The following SCAF4 variants were observed in gnomAD, a reference collection of about 807,000 sequenced individuals.
The protein encoded by SCAF4 is SR-related CTD associated factor 4, also known as SR-related and CTD-associated factor 4.
In SCAF4, 25 loss-of-function variants were observed where a neutral mutation model predicts 129.8. The observed-to-expected ratio is 0.19, with a 90% CI of 0.14 to 0.27. The LOEUF is 0.27. SCAF4 is among the 10% of genes least tolerant of loss of function. The pLI, the probability that SCAF4 is intolerant of heterozygous loss-of-function variation, is 1.00. For missense variants in SCAF4, 1,246 were observed against 1,457.1 expected (o/e 0.86, Z 2.36); for synonymous variants, 551 against 497.7 (o/e 1.11, Z -1.43).
chr21:31,718,173 T>TG (rs1249152147), intron 1 of SCAF4, among the ~76,000 whole-genome samples: 17 of 152,180 alleles, frequency 1.1e-4, no homozygotes, highest in African/African-American at 3.6e-4. Context: ...CTTGAACTCC[T>TG]GACCTCAGTT....
At chr21:31,677,766 G>A (rs1456031532) in intron 19 of SCAF4, among the ~76,000 whole-genome samples, 3 of 152,148 alleles carry the variant, frequency 2.0e-5, no homozygotes, top group Non-Finnish European at 2.9e-5. Context: ...TATAGATAGT[G>A]GTCAAAAGCA....
intron 19 of SCAF4, 68 bp from the exon 20 acceptor site, chr21:31,672,422 G>A: frequency 8.1e-7 from 1 of 1,233,950 alleles, no homozygotes; most frequent in Non-Finnish European, 1.2e-6. Flanking sequence ...GCTGTGTTCT[G>A]TGGCGCTTAA....
At chr21:31,696,999 T>C (rs1044412727) in intron 7 of SCAF4, among the ~76,000 whole-genome samples, 1 of 152,202 alleles carries the variant, frequency 6.6e-6, no homozygotes, top group Non-Finnish European at 1.5e-5. Flanking sequence ...GTGCTTTCTA[T>C]TTTCTATTGG....
intron 13 of SCAF4, 137 bp downstream of exon 13, chr21:31,692,212 G>A (rs893472757): frequency 1.3e-5 from 8 of 629,068 alleles, no homozygotes; most frequent in African/African-American, 7.3e-5. Context: ...AATTCTAAAC[G>A]TGGACTCTGA....
chr21:31,679,728 T>C (rs1485871814), intron 19 of SCAF4, among the ~76,000 whole-genome samples: 1 of 152,218 alleles, frequency 6.6e-6, no homozygotes, highest in Non-Finnish European at 1.5e-5. Context: ...TTTGATAACA[T>C]CTAATACATG....
intron 1 of SCAF4, among the ~76,000 whole-genome samples, chr21:31,722,492 G>T (rs146222576): frequency 1.3e-3 from 201 of 152,190 alleles, no homozygotes; most frequent in African/African-American, 4.7e-3. Flanking sequence ...TAAAAGTGAA[G>T]ACCTGTGAAC....
intron 1 of SCAF4, among the ~76,000 whole-genome samples, chr21:31,728,422 C>T (rs2051262347): frequency 6.6e-6 from 1 of 152,128 alleles, no homozygotes; most frequent in Non-Finnish European, 1.5e-5. Context: ...AACCTCAAAT[C>T]CTGTTATCCT....
chr21:31,686,692 C>T (rs926832402), intron 16 of SCAF4, among the ~76,000 whole-genome samples: 5 of 152,104 alleles, frequency 3.3e-5, no homozygotes, highest in Non-Finnish European at 7.4e-5. Context: ...AGTGGGCAAG[C>T]AAGCACCACC....
rs1321254508 is a variant in SCAF4, at chr21:31,692,339, A to G, written c.1614+10T>C. ...GTCCATCGTACTTAAAAAACTGAAT[A>G]AACACTCACATTAATTGATTCAATT... is the stretch of plus-strand genomic sequence containing the variant. On this transcript the variant is annotated intron_variant, in intron 13 of 19. Transcript: ENST00000286835. 1.3e-6 allele frequency: 2 copies of G among 1,591,440 alleles called. No individual in the cohort carries two copies. Among genetic ancestry groups the G allele is most frequent in the South Asian group, 1.1e-5 (1 of 90,616 alleles).
chr21:31,709,529 G>T (rs1375754025), intron 1 of SCAF4, among the ~76,000 whole-genome samples: 1 of 152,014 alleles, frequency 6.6e-6, no homozygotes, highest in Non-Finnish European at 1.5e-5. Context: ...TAAATTAACA[G>T]CCAAATGAAC....
At chr21:31,705,561 CT>C in intron 2 of SCAF4, 94 bp from the exon 3 acceptor site, 1 of 479,132 alleles carries the variant, frequency 2.1e-6, no homozygotes, top group Non-Finnish European at 3.7e-6. Flanking sequence ...TCTATACAAT[CT>C]AAATATTATC....
chr21:31,675,167 AG>A (rs2049820777), intron 19 of SCAF4, among the ~76,000 whole-genome samples: 1 of 152,224 alleles, frequency 6.6e-6, no homozygotes, highest in Admixed American at 6.5e-5. Flanking sequence ...AGAAGAAAGG[AG>A]AAAATACAGA....
chr21:31,717,849 A>ATATATATATATATATATG, intron 1 of SCAF4, among the ~76,000 whole-genome samples: 2 of 123,952 alleles, frequency 1.6e-5, no homozygotes, highest in African/African-American at 3.3e-5. Flanking sequence ...ATATACACAC[A>ATATATATATATATATATG]CACACACACA....
intron 19 of SCAF4, among the ~76,000 whole-genome samples, chr21:31,677,934 C>G (rs2049899864): frequency 6.6e-6 from 1 of 152,152 alleles, no homozygotes; most frequent in Non-Finnish European, 1.5e-5. Context: ...TTAATATACA[C>G]AAACTGCTTA....
Position 31,671,299 on chromosome 21 carries a change from G to A in SCAF4, c.*100C>T, listed in dbSNP as rs1012945350. ...TTACAGTTCCCCACCAGCTGGCGCG[G>A]GGCTGCAGTACAGCGGGAGCGGATA... On this transcript the variant is annotated 3_prime_UTR_variant, in exon 20 of 20. Transcript: ENST00000286835. 10 of 1,347,850 alleles carry A rather than the reference G, an allele frequency of 7.4e-6. No homozygotes were observed. The highest frequency in any genetic ancestry group is 1.0e-5 in the Non-Finnish European group (10 of 1,004,936). 83.5% of individuals were successfully genotyped at this position (1,347,850 alleles called of 1,614,324 possible). A position where few individuals can be genotyped will look rare whatever the true frequency, so the allele number is the denominator to read the frequency against.
At position 31,701,171 on chromosome 21, in the gene SCAF4, G is replaced by A; in HGVS notation, c.601C>T (p.Leu201Phe). The change falls in exon 7 of 20, where the codon CTT becomes TTT. Residue 201 changes from leucine (L) to phenylalanine (F), a missense_variant and splice_region_variant. Leu to Phe is a conservative substitution (Grantham distance 22, BLOSUM62 0). Transcript: ENST00000286835. ...QLFQTTQGQQ[L>F]QQILQTFQQP... ...TGAAAAGTCTGAAGGATCTGCTGAA[G>A]CTTAAAGAATGGGAAAACCAATAAA... 1 of 1,552,092 alleles carries A rather than the reference G, an allele frequency of 6.4e-7. No individual in the cohort carries two copies. The highest frequency in any genetic ancestry group is 8.7e-7 in the Non-Finnish European group (1 of 1,151,680).
chr21:31,672,602 A>G (rs2049738557), intron 19 of SCAF4, among the ~76,000 whole-genome samples: 1 of 152,246 alleles, frequency 6.6e-6, no homozygotes, highest in Admixed American at 6.5e-5. Context: ...AGTAATGGTA[A>G]TACCAATTTT....
intron 3 of SCAF4, among the ~76,000 whole-genome samples, chr21:31,705,160 G>C (rs1649854342): frequency 6.6e-6 from 1 of 152,204 alleles, no homozygotes; most frequent in Non-Finnish European, 1.5e-5. Context: ...CAAGGGGGTA[G>C]AGTAAGCACT....
At chr21:31,696,067 T>C (rs759537318) in intron 9 of SCAF4, 46 bp downstream of exon 9, 1 of 1,385,798 alleles carries the variant, frequency 7.2e-7, no homozygotes, top group Non-Finnish European at 1.0e-6. Flanking sequence ...CCATACGCTC[T>C]ATAATGAATA....
Sources: allele counts gnomAD v4.1 joint callset (sites outside exome capture counted in the v4.1 genomes callset), GRCh38; gene constraint gnomAD v4.1.1; transcripts MANE v1.5; gene names NCBI Gene and HGNC (gene_info 2026-07-23, HGNC 2026-07-21).